Variants in ZFYVE9 observed in about 807,000 individuals in gnomAD.
ZFYVE9 encodes the protein zinc finger FYVE domain-containing protein 9.
ZFYVE9 carries 43 observed loss-of-function variants against 126.7 expected under a neutral mutation model. That is an observed-to-expected ratio of 0.34 (90% CI 0.27 to 0.44). ZFYVE9 has a LOEUF of 0.44. Ranked by LOEUF, ZFYVE9 falls within the 20% of genes least tolerant of loss-of-function variation. The pLI, the probability that ZFYVE9 is intolerant of heterozygous loss-of-function variation, is 1.00. For synonymous variants in ZFYVE9, 521 were observed against 597.4 expected, an observed-to-expected ratio of 0.87 and a Z score of 1.87; for missense variants, 1,476 against 1,697.0, an observed-to-expected ratio of 0.87 and a Z score of 2.29.
At chr1:52,146,201 A>G (rs531198468) in intron 1 of ZFYVE9, among the ~76,000 whole-genome samples, 1 of 152,146 alleles carries the variant, frequency 6.6e-6, no homozygotes, top group African/African-American at 2.4e-5. Context: ...TTCATAGGTT[A>G]TATGCAAATA....
chr1:52,322,136 A>G (rs1646246403), intron 13 of ZFYVE9, among the ~76,000 whole-genome samples: 1 of 152,186 alleles, frequency 6.6e-6, no homozygotes, highest in African/African-American at 2.4e-5. Context: ...TCATCTTTCC[A>G]GTTACCCAAG....
At chr1:52,207,368 T>C (rs878901273) in intron 1 of ZFYVE9, among the ~76,000 whole-genome samples, 1 of 152,226 alleles carries the variant, frequency 6.6e-6, no homozygotes, top group African/African-American at 2.4e-5. Context: ...GCTTTTTGTT[T>C]GGTGTGAACT....
intron 1 of ZFYVE9, among the ~76,000 whole-genome samples, chr1:52,169,247 A>G (rs540344594): frequency 6.6e-6 from 1 of 152,132 alleles, no homozygotes; most frequent in African/African-American, 2.4e-5. Context: ...CAAAAAATGC[A>G]AAAAAACTAG....
chr1:52,239,538 A>G lies in ZFYVE9; in HGVS notation c.2121A>G (p.Lys707=). Residue 707 remains lysine, a synonymous_variant, in exon 4 of 19, where the codon AAA becomes AAG. Coordinates refer to ENST00000287727, the MANE Select transcript of ZFYVE9 (RefSeq NM_004799.4). The part of the protein sequence containing the change: ...VPDSQAPNCM[K]CEARFTFTKR... ...ATTCTCAGGCTCCAAATTGCATGAA[A>G]TGTGAAGCCAGGTTTACATTCACCA... 6.2e-7 allele frequency: 1 copy of G among 1,614,114 alleles called. No individual in the cohort carries two copies. Among genetic ancestry groups the G allele is most frequent in the Non-Finnish European group, 8.5e-7 (1 of 1,179,982 alleles).
intron 10 of ZFYVE9, among the ~76,000 whole-genome samples, chr1:52,292,535 A>C (rs937776853): frequency 6.9e-6 from 1 of 144,876 alleles, no homozygotes; most frequent in Non-Finnish European, 1.5e-5. Context: ...GCAGTGGCAC[A>C]ATCTTGGCTC....
At chr1:52,247,774 G>T (rs1645402809) in intron 4 of ZFYVE9, among the ~76,000 whole-genome samples, 1 of 152,060 alleles carries the variant, frequency 6.6e-6, no homozygotes, top group Admixed American at 6.6e-5. Flanking sequence ...TGGGATTACA[G>T]GTGTGAGCCA....
intron 1 of ZFYVE9, among the ~76,000 whole-genome samples, chr1:52,212,261 C>G (rs1263406481): frequency 6.6e-6 from 1 of 152,206 alleles, no homozygotes; most frequent in African/African-American, 2.4e-5. Context: ...CCTCCTGCCT[C>G]AGTCTCCCAA....
intron 7 of ZFYVE9, among the ~76,000 whole-genome samples, chr1:52,270,647 A>G (rs1024256345): frequency 6.6e-6 from 1 of 152,170 alleles, no homozygotes; most frequent in African/African-American, 2.4e-5. Context: ...TCAAGATCTC[A>G]TTAAGGACCA....
At chr1:52,294,628 G>A (rs1431611198) in intron 11 of ZFYVE9, among the ~76,000 whole-genome samples, 2 of 152,156 alleles carry the variant, frequency 1.3e-5, no homozygotes, top group African/African-American at 2.4e-5. Flanking sequence ...TGTGCTCAAA[G>A]TTAAGTTCAT....
intron 6 of ZFYVE9, among the ~76,000 whole-genome samples, chr1:52,267,353 TATATC>T (rs1645644644): frequency 6.6e-6 from 1 of 152,234 alleles, no homozygotes; most frequent in South Asian, 2.1e-4. Context: ...TAATTCTGAT[TATATC>T]ATATGATAGG....
chr1:52,294,538 A>G (rs1187766935), intron 11 of ZFYVE9, among the ~76,000 whole-genome samples: 2 of 152,250 alleles, frequency 1.3e-5, no homozygotes. Context: ...AATAGCTAAG[A>G]TGTGATTATA....
At position 52,331,641 on chromosome 1, in the gene ZFYVE9, A is replaced by G. The variant is rs191549330; in HGVS notation, c.3439-1127A>G. ...GTAGCAGGCACTTGTAGTCCCAGCT[A>G]CTCGGGAGGCTGAGGCAGGAGAATG... On this transcript the variant is annotated intron_variant, in intron 13 of 18. Coordinates refer to ENST00000287727, the MANE Select transcript of ZFYVE9 (RefSeq NM_004799.4). 9.8e-3 allele frequency among the ~76,000 whole-genome samples: 1,476 copies of G among 150,472 alleles called. 22 individuals are homozygous for G. The highest frequency in any genetic ancestry group is 0.034 in the African/African-American group (1,380 of 41,060).
In ZFYVE9 at chr1:52,268,651, A is replaced by C; in HGVS notation, c.2625+19A>C. The C allele has an allele frequency of 1.2e-6, 2 of 1,610,476 alleles. No homozygotes were observed. ...AGCAGAGGTAAGAAAACAAAACAGC[A>C]ACTAAAATTGCATAGCTACTTTACT... On this transcript the variant is annotated intron_variant, in intron 7 of 18. Transcript: ENST00000287727.
rs2124482687 is a variant in ZFYVE9, at chr1:52,142,751, G to A, written c.-143+348G>A. 6.6e-6 allele frequency among the ~76,000 whole-genome samples: 1 copy of A among 152,290 alleles called. No homozygotes were observed. Among genetic ancestry groups the A allele is most frequent in the Non-Finnish European group, 1.5e-5 (1 of 68,004 alleles). The stretch of plus-strand genomic sequence containing the variant: ...CGGGCCCTGCACGTACATCCCGGAG[G>A]GAGGCAGATGACGCCTGTTTGCAAA... On this transcript the variant is annotated intron_variant, in intron 1 of 18. Coordinates refer to ENST00000287727, the MANE Select transcript of ZFYVE9 (RefSeq NM_004799.4). This position sits in a 1 kb window ranked among gnomAD's most constrained non-coding sequence, Gnocchi z 4.5.
chr1:52,271,584 G>A (rs998733964), intron 7 of ZFYVE9, among the ~76,000 whole-genome samples: 11 of 152,126 alleles, frequency 7.2e-5, no homozygotes, highest in Non-Finnish European at 2.9e-5. Flanking sequence ...AGGCATTTAA[G>A]TAGAGACCAA....
Position 52,239,153 on chromosome 1 carries a change from C to G in ZFYVE9, c.1736C>G (p.Ala579Gly). The G allele has an allele frequency of 6.2e-7, 1 of 1,614,108 alleles. No homozygotes were observed. The highest frequency in any genetic ancestry group is 8.5e-7 in the Non-Finnish European group (1 of 1,180,004). The change falls in exon 4 of 19, where the codon GCA becomes GGA. Residue 579 changes from alanine to glycine, a missense_variant. Around this residue, in one of 2 missense-constraint regions of ZFYVE9, gnomAD observed 807 missense variants for 794.6 expected, o/e 1.02. Transcript: ENST00000287727. ...LPSISVPFGGARPKQPSNLKL... is the reference protein window; with the variant it reads ...LPSISVPFGGGRPKQPSNLKL... ...TCTATCAGTGTTCCTTTTGGTGGTGCAAGACCCAAGCAACCTTCTAATCTT... is the reference window on the plus strand; with the variant it reads ...TCTATCAGTGTTCCTTTTGGTGGTGGAAGACCCAAGCAACCTTCTAATCTT...
intron 4 of ZFYVE9, among the ~76,000 whole-genome samples, chr1:52,247,181 GGTA>G (rs993730662): frequency 2.0e-5 from 3 of 152,098 alleles, no homozygotes; most frequent in Non-Finnish European, 4.4e-5. Flanking sequence ...GAAGCAGAAA[GGTA>G]GTAGTAGGCC....
chr1:52,218,771 C>T (rs535107034), intron 2 of ZFYVE9, among the ~76,000 whole-genome samples: 2 of 152,206 alleles, frequency 1.3e-5, no homozygotes, highest in African/African-American at 4.8e-5. Context: ...AGGCATGAAG[C>T]GAGAAATGGT....
At chr1:52,234,391 A>G (rs935051339) in intron 3 of ZFYVE9, among the ~76,000 whole-genome samples, 2 of 152,148 alleles carry the variant, frequency 1.3e-5, no homozygotes, top group Admixed American at 6.6e-5. Context: ...AGCCCTAGAG[A>G]TAGAGGCTGC....
Sources: allele counts gnomAD v4.1 joint callset (sites outside exome capture counted in the v4.1 genomes callset), GRCh38; gene constraint gnomAD v4.1.1; regional missense constraint gnomAD v4.1.1; non-coding constraint Gnocchi (gnomAD v3.1); transcripts MANE v1.5; gene names NCBI Gene and HGNC (gene_info 2026-07-23, HGNC 2026-07-21).